Variants in COBL observed in about 807,000 individuals in gnomAD.
COBL encodes cordon-bleu WH2 repeat protein.
Under a neutral mutation model 98.8 loss-of-function variants are expected in COBL, and 51 were observed. The observed-to-expected ratio is 0.52, with a 90% CI of 0.41 to 0.65. COBL has a LOEUF of 0.65. Ranked by LOEUF, COBL falls within the 30% of genes least tolerant of loss-of-function variation. COBL has a pLI of 0.00. For synonymous variants in COBL, 634 were observed against 651.7 expected, an observed-to-expected ratio of 0.97 and a Z score of 0.41; for missense variants, 1,617 against 1,617.5, an observed-to-expected ratio of 1.00 and a Z score of 0.01.
chr7:51,306,501 A>C (rs1802487044), intron 1 of COBL, among the ~76,000 whole-genome samples: 1 of 152,188 alleles, frequency 6.6e-6, no homozygotes, highest in Admixed American at 6.5e-5. Flanking sequence ...GTATCAGCCC[A>C]AGACACTGAG....
At chr7:51,179,375 T>C (rs1252883889) in intron 5 of COBL, among the ~76,000 whole-genome samples, 1 of 152,024 alleles carries the variant, frequency 6.6e-6, no homozygotes, top group African/African-American at 2.4e-5. Context: ...TTTTTGTATT[T>C]AGTACTCCTC....
intron 1 of COBL, among the ~76,000 whole-genome samples, chr7:51,298,480 T>C (rs1277707469): frequency 2.6e-5 from 4 of 152,240 alleles, no homozygotes; most frequent in African/African-American, 9.6e-5. Flanking sequence ...CCACCATTTC[T>C]GAGCTCTGAC....
chr7:51,046,972 T>C (rs957607817), intron 7 of COBL, among the ~76,000 whole-genome samples: 1 of 152,194 alleles, frequency 6.6e-6, no homozygotes, highest in African/African-American at 2.4e-5. Context: ...CAAATCAAAA[T>C]ATAGGATGTA....
intron 1 of COBL, among the ~76,000 whole-genome samples, chr7:51,257,648 TATATA>T (rs1409384027): frequency 6.6e-6 from 1 of 152,138 alleles, no homozygotes; most frequent in East Asian, 1.9e-4. Context: ...TAGATAAACC[TATATA>T]TAAATATACA....
intron 1 of COBL, among the ~76,000 whole-genome samples, chr7:51,284,838 A>G (rs1800176471): frequency 6.6e-6 from 1 of 152,002 alleles, no homozygotes; most frequent in Admixed American, 6.6e-5. Context: ...AAAAAAAAAA[A>G]AGGTATAAAA....
intron 10 of COBL, 90 bp from the exon 11 acceptor site, chr7:51,026,755 A>G: frequency 6.7e-7 from 1 of 1,491,370 alleles, no homozygotes; most frequent in Non-Finnish European, 9.1e-7. Flanking sequence ...CTCATGGGCC[A>G]GGCACGGTGG....
intron 3 of COBL, 129 bp downstream of exon 3, chr7:51,193,250 C>T: frequency 2.7e-6 from 2 of 748,472 alleles, no homozygotes; most frequent in African/African-American, 1.8e-5. Context: ...CTAGCTTTGC[C>T]TGGCATGAAA....
intron 6 of COBL, among the ~76,000 whole-genome samples, chr7:51,134,148 A>G (rs1799007330): frequency 1.3e-5 from 2 of 152,222 alleles, no homozygotes; most frequent in Admixed American, 6.5e-5. Flanking sequence ...GTTCTTCCCC[A>G]ACAACGACGA....
rs778556833 is a variant in COBL, at chr7:51,254,207, G to A, written c.42-34263C>T. 5.3e-5 allele frequency among the ~76,000 whole-genome samples: 8 copies of A among 152,050 alleles called. No individual in the cohort carries two copies. The South Asian group carries it at 6.2e-4, about 12-fold the overall frequency. ...GATTACTGCAAATCACTCCATGTCA[G>A]CTCATAATGATTTTTCCCTTTCACT... On this transcript the variant is annotated intron_variant, in intron 1 of 12. Transcript: ENST00000265136.
intron 7 of COBL, chr7:51,064,380 G>C (rs1791688443): frequency 6.6e-6 from 1 of 150,668 alleles, no homozygotes; most frequent in Non-Finnish European, 1.5e-5. Flanking sequence ...CCCAAGAAAT[G>C]AAAGCAGAGT....
At chr7:51,031,900 C>G (rs1788198714) in intron 8 of COBL, 1 of 152,256 alleles carries the variant, frequency 6.6e-6, no homozygotes, top group South Asian at 2.1e-4. Flanking sequence ...ACTGCTCCAC[C>G]CTTGACTCCG....
At chr7:51,145,236 G>C (rs1189743128) in intron 5 of COBL, among the ~76,000 whole-genome samples, 2 of 151,974 alleles carry the variant, frequency 1.3e-5, no homozygotes, top group Non-Finnish European at 2.9e-5. Flanking sequence ...GGCTGGTCTT[G>C]AACTCTTGAC....
chr7:51,185,038 T>C (rs182372132), intron 4 of COBL, among the ~76,000 whole-genome samples: 10 of 152,334 alleles, frequency 6.6e-5, no homozygotes, highest in Non-Finnish European at 2.9e-5. Flanking sequence ...AATTGTTTTC[T>C]TCTTTCTTTT....
intron 6 of COBL, among the ~76,000 whole-genome samples, chr7:51,112,160 G>C (rs1796887148): frequency 6.6e-6 from 1 of 152,162 alleles, no homozygotes; most frequent in Non-Finnish European, 1.5e-5. Flanking sequence ...AAAAGCATAA[G>C]AGAGGAGAAA....
At chr7:51,253,052 G>A (rs1029918502) in intron 1 of COBL, among the ~76,000 whole-genome samples, 2 of 151,896 alleles carry the variant, frequency 1.3e-5, no homozygotes, top group African/African-American at 4.8e-5. Context: ...ACAAAACCCC[G>A]TCTCTACTAA....
rs144238085 is a variant in COBL, at chr7:51,266,856, C to T, written c.42-46912G>A. On this transcript the variant is annotated intron_variant, in intron 1 of 12. Coordinates refer to ENST00000265136, the MANE Select transcript of COBL (RefSeq NM_015198.5). ...CAATTCAGGGTTGGGAGGAGTTGCC[C>T]TTGGGAGGAGTCCCAAGGCAAATTT... is the stretch of plus-strand genomic sequence containing the variant. Among the ~76,000 whole-genome samples, 156 of 152,248 alleles carry T rather than the reference C, an allele frequency of 1.0e-3. 2 individuals are homozygous for T. The highest frequency in any genetic ancestry group is 3.4e-3 in the African/African-American group (142 of 41,568).
intron 4 of COBL, chr7:51,188,052 G>T: frequency 9.7e-7 from 1 of 1,025,656 alleles, no homozygotes; most frequent in Non-Finnish European, 1.3e-6. Flanking sequence ...CTCAGAGGGG[G>T]GCTGTCCTGC....
chr7:51,192,350 G>A (rs1381721451), intron 3 of COBL, among the ~76,000 whole-genome samples: 1 of 152,214 alleles, frequency 6.6e-6, no homozygotes, highest in Non-Finnish European at 1.5e-5. Flanking sequence ...GTTCAGGCCT[G>A]TAATCCCAGC....
chr7:51,210,660 T>C (rs2129076515), intron 2 of COBL, among the ~76,000 whole-genome samples: 1 of 152,348 alleles, frequency 6.6e-6, no homozygotes. Flanking sequence ...GGAACTCGTC[T>C]TATGATGTTT....
Sources: allele counts gnomAD v4.1 joint callset (sites outside exome capture counted in the v4.1 genomes callset), GRCh38; gene constraint gnomAD v4.1.1; transcripts MANE v1.5; gene names NCBI Gene and HGNC (gene_info 2026-07-23, HGNC 2026-07-21).